FTCDNL1: variants seen among roughly 807,000 people sequenced by gnomAD.
The protein encoded by FTCDNL1 is formiminotransferase N-terminal subdomain-containing protein.
A neutral mutation model predicts 5.9 loss-of-function variants in FTCDNL1; 11 were observed. The observed-to-expected ratio is 1.87, with a 90% confidence interval of 1.18 to 3.10. FTCDNL1 has a LOEUF of 3.10. Ranked by LOEUF, FTCDNL1 falls within the 30% of genes most tolerant of loss-of-function variation. The probability of loss-of-function intolerance (pLI) is 0.00; values close to 1 mark genes in which losing one functional copy is unlikely to be tolerated. For missense variants in FTCDNL1, 115 were observed against 65.5 expected (o/e 1.76, Z -2.61); for synonymous variants, 58 against 24.8 (o/e 2.34, Z -3.99).
At chr2:199,668,858 A>T in the FTCDNL1 span, among the ~76,000 whole-genome samples, 1 of 152,128 alleles carries the variant, frequency 6.6e-6, no homozygotes, top group Non-Finnish European at 1.5e-5. Flanking sequence ...CTCGGGAAGA[A>T]AGGAGAAAGA....
intron 3 of FTCDNL1, among the ~76,000 whole-genome samples, chr2:199,828,200 C>T (rs779398661): frequency 3.0e-4 from 46 of 152,232 alleles, no homozygotes; most frequent in South Asian, 6.2e-4. Flanking sequence ...TTACTTACTA[C>T]CAAGCTATTT....
the FTCDNL1 span, among the ~76,000 whole-genome samples, chr2:199,673,912 G>A: frequency 2.6e-5 from 4 of 152,120 alleles, no homozygotes; most frequent in South Asian, 4.1e-4. Flanking sequence ...GGATCCCAGT[G>A]TAGAAATAAA....
At chr2:199,734,270 G>T in the FTCDNL1 span, among the ~76,000 whole-genome samples, 1 of 152,192 alleles carries the variant, frequency 6.6e-6, no homozygotes, top group Admixed American at 6.5e-5. Context: ...TTAAGAGACA[G>T]ATTAACCATT....
At chr2:199,742,539 T>C in the FTCDNL1 span, among the ~76,000 whole-genome samples, 10 of 152,226 alleles carry the variant, frequency 6.6e-5, no homozygotes, top group Non-Finnish European at 1.0e-4. Context: ...GTCTTGATGA[T>C]ACTACTACTA....
At chr2:199,765,556 A>ATATATTT in intron 3 of FTCDNL1, among the ~76,000 whole-genome samples, 6 of 42,662 alleles carry the variant, frequency 1.4e-4, no homozygotes, top group East Asian at 1.7e-3. Context: ...ATATATATAT[A>ATATATTT]TTTTTTTTTT....
At chr2:199,846,234 T>C in intron 2 of FTCDNL1, 64 bp from the exon 3 acceptor site, 1 of 632,792 alleles carries the variant, frequency 1.6e-6, no homozygotes, top group Non-Finnish European at 2.8e-6. Context: ...TAATAGTTAA[T>C]TTCTTCTGGT....
At chr2:199,823,609 TG>T (rs1386898924) in intron 3 of FTCDNL1, among the ~76,000 whole-genome samples, 1 of 152,170 alleles carries the variant, frequency 6.6e-6, no homozygotes, top group African/African-American at 2.4e-5. Flanking sequence ...GCATTGTCAA[TG>T]GGCAGGAATA....
At chr2:199,725,789 C>A in the FTCDNL1 span, among the ~76,000 whole-genome samples, 4 of 152,192 alleles carry the variant, frequency 2.6e-5, no homozygotes, top group East Asian at 5.8e-4. Flanking sequence ...TGTAGGTGAC[C>A]TGGCCTTTCT....
chr2:199,820,271 T>C (rs1559219251), intron 3 of FTCDNL1, among the ~76,000 whole-genome samples: 1 of 152,164 alleles, frequency 6.6e-6, no homozygotes, highest in Non-Finnish European at 1.5e-5. Context: ...AAATTTTAAT[T>C]AGGATTTATC....
intron 3 of FTCDNL1, among the ~76,000 whole-genome samples, chr2:199,795,937 C>G (rs555300375): frequency 6.6e-6 from 1 of 152,116 alleles, no homozygotes; most frequent in Non-Finnish European, 1.5e-5. Flanking sequence ...ATAACATTTT[C>G]TGCCACCACC....
intron 3 of FTCDNL1, among the ~76,000 whole-genome samples, chr2:199,764,555 G>A (rs1275007505): frequency 6.6e-6 from 1 of 152,166 alleles, no homozygotes; most frequent in Non-Finnish European, 1.5e-5. Flanking sequence ...AAGTACAGTG[G>A]TTATTTGGCC....
the FTCDNL1 span, among the ~76,000 whole-genome samples, chr2:199,720,076 T>C: frequency 6.6e-6 from 1 of 152,208 alleles, no homozygotes; most frequent in Non-Finnish European, 1.5e-5. Context: ...GTTATTGGTG[T>C]ATAGAAATGC....
intron 3 of FTCDNL1, among the ~76,000 whole-genome samples, chr2:199,783,756 C>G (rs1699487668): frequency 6.6e-6 from 1 of 152,162 alleles, no homozygotes; most frequent in South Asian, 2.1e-4. Flanking sequence ...CAGCACTTCT[C>G]TAGACACATT....
At chr2:199,739,703 T>C in the FTCDNL1 span, among the ~76,000 whole-genome samples, 1 of 152,256 alleles carries the variant, frequency 6.6e-6, no homozygotes, top group Non-Finnish European at 1.5e-5. Context: ...TGATTTTCAG[T>C]TACTCTGTGA....
At chr2:199,797,184 AT>A (rs1352639513) in intron 3 of FTCDNL1, among the ~76,000 whole-genome samples, 2 of 152,222 alleles carry the variant, frequency 1.3e-5, no homozygotes, top group Non-Finnish European at 2.9e-5. Flanking sequence ...TTTCAATTTC[AT>A]TTTCAATCTA....
At chr2:199,680,987 A>C in the FTCDNL1 span, among the ~76,000 whole-genome samples, 1 of 152,202 alleles carries the variant, frequency 6.6e-6, no homozygotes, top group Non-Finnish European at 1.5e-5. Context: ...TAGAGGTACA[A>C]GATCTGGAGA....
At chr2:199,743,802 A>G in the FTCDNL1 span, among the ~76,000 whole-genome samples, 2 of 152,190 alleles carry the variant, frequency 1.3e-5, no homozygotes, top group African/African-American at 4.8e-5. Flanking sequence ...ATTGAAGGGA[A>G]TAGAAATTTC....
the FTCDNL1 span, among the ~76,000 whole-genome samples, chr2:199,752,750 G>C: frequency 4.0e-4 from 36 of 90,504 alleles, no homozygotes; most frequent in African/African-American, 9.5e-4. Flanking sequence ...CTGTGTGTGT[G>C]TGTGTGTGTG....
At chr2:199,727,199 G>A in the FTCDNL1 span, among the ~76,000 whole-genome samples, 3 of 152,214 alleles carry the variant, frequency 2.0e-5, no homozygotes, top group African/African-American at 4.8e-5. Context: ...TGCCACAGCC[G>A]CTGTGCTGCA....
Sources: gnomAD v4.1 joint callset for allele counts (sites outside exome capture counted in the v4.1 genomes callset) on GRCh38, gnomAD v4.1.1 for gene constraint, MANE v1.5 for transcripts, NCBI Gene and HGNC (gene_info 2026-07-23, HGNC 2026-07-21) for gene names.